DPP6: variants seen among roughly 807,000 people sequenced by gnomAD.
The protein encoded by DPP6 is dipeptidyl peptidase like 6.
DPP6 carries 69 observed loss-of-function variants against 122.6 expected under a neutral mutation model. The ratio of observed to expected loss-of-function variants is 0.56; its 90% CI spans 0.46 to 0.69. DPP6 has a LOEUF of 0.69. Among genes scored for constraint, DPP6 ranks in the 30% least tolerant of loss-of-function variants. The pLI is 0.00. For missense variants in DPP6, 928 were observed against 1,116.9 expected (o/e 0.83, Z 2.41); for synonymous variants, 418 against 433.1 (o/e 0.97, Z 0.43).
At chr7:154,718,105 T>A (rs1358496118) in intron 7 of DPP6, among the ~76,000 whole-genome samples, 1 of 152,294 alleles carries the variant, frequency 6.6e-6, no homozygotes, top group African/African-American at 2.4e-5. Flanking sequence ...AATGATTTGG[T>A]TTTTGCTATT....
At chr7:154,465,496 A>G (rs1821704058) in intron 2 of DPP6, among the ~76,000 whole-genome samples, 1 of 152,186 alleles carries the variant, frequency 6.6e-6, no homozygotes, top group African/African-American at 2.4e-5. Context: ...CCTACAAAAA[A>G]CTTAAACAAA....
chr7:153,877,074 A>G, the DPP6 span, among the ~76,000 whole-genome samples: 1 of 152,146 alleles, frequency 6.6e-6, no homozygotes, highest in East Asian at 1.9e-4. Context: ...GACTTTCCCA[A>G]CACTTTACAC....
chr7:154,663,223 G>A (rs1305270936), intron 6 of DPP6, among the ~76,000 whole-genome samples: 3 of 68,774 alleles, frequency 4.4e-5, no homozygotes, highest in Admixed American at 2.0e-4. Flanking sequence ...TGGCGCTTGT[G>A]TTCATATAGT....
rs1440005956 is a variant in DPP6, at chr7:154,282,671, GCA to G, written c.244-163540_244-163539del. On this transcript the variant is annotated intron_variant, in intron 1 of 25. Coordinates refer to ENST00000377770, the MANE Select transcript of DPP6 (RefSeq NM_130797.4). The surrounding 1 kb of genome is among the most constrained non-coding windows in gnomAD (Gnocchi z 4.8). ...TTGCATGCTTACTTGAAAGGAATTT[GCA>G]CAGAGTGGTTTGTTTATACTAGTTA... Among the ~76,000 whole-genome samples the G allele has an allele frequency of 2.0e-5, 3 of 152,296 alleles. No homozygotes were observed. The highest frequency in any genetic ancestry group is 2.1e-4 in the South Asian group (1 of 4,822).
Position 154,340,829 on chromosome 7 carries a change from C to T in DPP6, c.244-105385C>T, listed in dbSNP as rs553202052. On this transcript the variant is annotated intron_variant, in intron 1 of 25. Transcript: ENST00000377770. ...AGTGAGGCTTGAGCAGCTAAAACCA[C>T]TTGCTTGAGGTCTTCTAGGCAGGGA... is the stretch of plus-strand genomic sequence containing the variant. Among the ~76,000 whole-genome samples, 6 of 152,302 alleles carry T rather than the reference C, an allele frequency of 3.9e-5. No homozygotes were observed. The East Asian group carries it at 1.2e-3, about 29-fold the overall frequency.
At chr7:153,951,328 G>A (rs1235476601) in intron 1 of DPP6, among the ~76,000 whole-genome samples, 7 of 152,180 alleles carry the variant, frequency 4.6e-5, no homozygotes, top group Non-Finnish European at 8.8e-5. Flanking sequence ...GGGAGAGTGA[G>A]GGAGAATATC....
intron 1 of DPP6, among the ~76,000 whole-genome samples, chr7:154,276,778 A>G (rs1008777013): frequency 3.3e-5 from 5 of 152,046 alleles, no homozygotes; most frequent in African/African-American, 1.2e-4. Context: ...GGGTCACAAC[A>G]TTTTCATCCA....
chr7:154,013,458 C>CTTTTTTTTT (rs776460630), intron 1 of DPP6, among the ~76,000 whole-genome samples: 1 of 127,358 alleles, frequency 7.9e-6, no homozygotes, highest in African/African-American at 3.0e-5. Context: ...GGTTTCTTTT[C>CTTTTTTTTT]TTTTTTTTTT....
chr7:153,916,115 C>G (rs545559929), intron 1 of DPP6, among the ~76,000 whole-genome samples: 2 of 151,390 alleles, frequency 1.3e-5, no homozygotes, highest in Non-Finnish European at 2.9e-5. Context: ...TACAGGCGCC[C>G]GCCACTGCGC....
intron 16 of DPP6, among the ~76,000 whole-genome samples, chr7:154,810,513 A>G (rs1798985616): frequency 6.6e-6 from 1 of 152,006 alleles, no homozygotes; most frequent in African/African-American, 2.4e-5. Flanking sequence ...GTCCCAAGGG[A>G]GATTCGTATT....
chr7:154,041,676 T>C (rs931707663), intron 1 of DPP6, among the ~76,000 whole-genome samples: 1 of 152,172 alleles, frequency 6.6e-6, no homozygotes, highest in Non-Finnish European at 1.5e-5. Flanking sequence ...ATTCTGGTTT[T>C]AGTTCAGTAC....
At chr7:153,798,855 A>G in the DPP6 span, among the ~76,000 whole-genome samples, 1 of 152,174 alleles carries the variant, frequency 6.6e-6, no homozygotes, top group Non-Finnish European at 1.5e-5. Flanking sequence ...AGATTCTCAT[A>G]AGGATCAGGT....
intron 3 of DPP6, among the ~76,000 whole-genome samples, chr7:154,502,964 A>C (rs1180007076): frequency 1.3e-5 from 2 of 152,206 alleles, no homozygotes; most frequent in Admixed American, 6.5e-5. Context: ...TGTGATGCTC[A>C]TCATCAAAAA....
chr7:154,460,798 G>A (rs1200171463), intron 2 of DPP6, among the ~76,000 whole-genome samples: 2 of 151,974 alleles, frequency 1.3e-5, no homozygotes, highest in Non-Finnish European at 2.9e-5. Context: ...AACACACCAG[G>A]GTAAATAGAG....
chr7:154,631,287 C>T (rs1411177797), intron 5 of DPP6, among the ~76,000 whole-genome samples: 1 of 152,030 alleles, frequency 6.6e-6, no homozygotes, highest in Admixed American at 6.6e-5. Flanking sequence ...GGGCAGGAGG[C>T]GAAGGAGAGC....
At chr7:154,505,270 A>G (rs1825577700) in intron 3 of DPP6, among the ~76,000 whole-genome samples, 2 of 152,198 alleles carry the variant, frequency 1.3e-5, no homozygotes, top group African/African-American at 4.8e-5. Flanking sequence ...AGATTTACAT[A>G]TATAGCAAAG....
At chr7:154,246,071 A>C (rs1801965111) in intron 1 of DPP6, among the ~76,000 whole-genome samples, 1 of 152,226 alleles carries the variant, frequency 6.6e-6, no homozygotes. Context: ...CAAGAAAATT[A>C]AATTAGAAAT....
chr7:154,685,512 G>A (rs1839545212), intron 7 of DPP6, among the ~76,000 whole-genome samples: 2 of 152,110 alleles, frequency 1.3e-5, no homozygotes, highest in African/African-American at 4.8e-5. Context: ...GAGCATCCTG[G>A]GTTTAGATGC....
intron 1 of DPP6, among the ~76,000 whole-genome samples, chr7:154,182,954 C>T (rs1798169836): frequency 1.3e-5 from 2 of 152,086 alleles, no homozygotes; most frequent in South Asian, 4.2e-4. Flanking sequence ...CACTCTGTGC[C>T]CTGGAGTGCC....
Sources: allele counts gnomAD v4.1 joint callset (sites outside exome capture counted in the v4.1 genomes callset), GRCh38; gene constraint gnomAD v4.1.1; non-coding constraint Gnocchi (gnomAD v3.1); transcripts MANE v1.5; gene names NCBI Gene and HGNC (gene_info 2026-07-23, HGNC 2026-07-21).